Variants in SAMD8 observed in about 807,000 individuals in gnomAD.
SAMD8 encodes the protein sterile alpha motif domain containing 8.
In SAMD8, 20 loss-of-function variants were observed where a neutral mutation model predicts 42.0. The ratio of observed to expected loss-of-function variants is 0.48; its 90% CI spans 0.34 to 0.69. The LOEUF (loss-of-function observed/expected upper bound fraction) is 0.69. Ranked by LOEUF, SAMD8 falls within the 30% of genes least tolerant of loss-of-function variation. The pLI is 0.01. For missense variants in SAMD8, 328 were observed against 511.6 expected (o/e 0.64, Z 3.46); for synonymous variants, 162 against 173.0 (o/e 0.94, Z 0.50).
At chr10:75,117,099 G>A (rs1165688599) in intron 1 of SAMD8, among the ~76,000 whole-genome samples, 1 of 151,274 alleles carries the variant, frequency 6.6e-6, no homozygotes, top group Non-Finnish European at 1.5e-5. Flanking sequence ...GTGAACCACC[G>A]CAGCCTGCCA....
chr10:75,122,983 T>G (rs932548524), intron 1 of SAMD8, among the ~76,000 whole-genome samples: 1 of 152,228 alleles, frequency 6.6e-6, no homozygotes, highest in African/African-American at 2.4e-5. Context: ...TAATTAATTT[T>G]ATATATTGCT....
chr10:75,114,931 A>C (rs907793225), intron 1 of SAMD8, among the ~76,000 whole-genome samples: 2 of 152,182 alleles, frequency 1.3e-5, no homozygotes, highest in Admixed American at 1.3e-4. Context: ...ATATTCTGCT[A>C]AATTACCTAT....
intron 1 of SAMD8, among the ~76,000 whole-genome samples, chr10:75,127,070 T>C (rs960753616): frequency 2.0e-5 from 3 of 150,986 alleles, no homozygotes; most frequent in African/African-American, 7.3e-5. Context: ...GTGCCTGTAG[T>C]CCCAACTACT....
At chr10:75,145,224 C>T (rs1372527406) in intron 1 of SAMD8, among the ~76,000 whole-genome samples, 1 of 152,146 alleles carries the variant, frequency 6.6e-6, no homozygotes, top group African/African-American at 2.4e-5. Flanking sequence ...GGATTACAGG[C>T]GTGAGCCACC....
upstream of SAMD8, chr10:75,108,064 G>A (rs201419297): frequency 1.2e-6 from 2 of 1,613,918 alleles, no homozygotes; most frequent in Non-Finnish European, 1.7e-6. Flanking sequence ...TCAAAATCAG[G>A]GAGGTCGTGG....
At chr10:75,114,018 G>C (rs1287819538) in intron 1 of SAMD8, among the ~76,000 whole-genome samples, 1 of 152,100 alleles carries the variant, frequency 6.6e-6, no homozygotes, top group Admixed American at 6.6e-5. Context: ...CCCTTTGTCA[G>C]TTCTCACACC....
intron 3 of SAMD8, among the ~76,000 whole-genome samples, chr10:75,165,698 AGGCACAGT>A (rs1458733952): frequency 1.3e-5 from 2 of 150,806 alleles, no homozygotes; most frequent in African/African-American, 4.9e-5. Context: ...ATTATTAGCC[AGGCACAGT>A]GGCACATGCC....
In SAMD8 at chr10:75,182,057, A is replaced by G. The variant is rs1215675111; in HGVS notation, c.*5365A>G. ...TTAAATCCAGATTTAACTAATATAT[A>G]TTATTTTATATCTTTGTTGTATTAA... On this transcript the variant is annotated 3_prime_UTR_variant, in exon 6 of 6. Coordinates refer to ENST00000542569, the MANE Select transcript of SAMD8 (RefSeq NM_001174156.2). 6.6e-6 allele frequency: 1 copy of G among 152,226 alleles called. No individual in the cohort carries two copies. The highest frequency in any genetic ancestry group is 1.5e-5 in the Non-Finnish European group (1 of 68,044). 9.4% of individuals were successfully genotyped at this position (152,226 alleles called of 1,614,324 possible). A position where few individuals can be genotyped will look rare whatever the true frequency, so the allele number is the denominator to read the frequency against.
rs573720711 is a variant in SAMD8 at position 75,124,307 on chromosome 10, A to AT, written c.-16+12591dup. On this transcript the variant is annotated intron_variant, in intron 1 of 5. Transcript: ENST00000542569. ...TCTTCCTGCAAGCAGAAATCCATTT[A>AT]TTTTTTAAAATGTACCTGTCAGAGG... 3.4e-3 allele frequency among the ~76,000 whole-genome samples: 517 copies of AT among 152,156 alleles called. 3 individuals are homozygous for AT. Among genetic ancestry groups the AT allele is most frequent in the African/African-American group, 0.012 (489 of 41,514 alleles).
Position 75,178,821 on chromosome 10 carries a change from G to T in SAMD8, c.*2129G>T, listed in dbSNP as rs1841034707. The T allele has an allele frequency of 6.6e-6, 1 of 152,330 alleles. No individual in the cohort carries two copies. Among genetic ancestry groups the T allele is most frequent in the Non-Finnish European group, 1.5e-5 (1 of 68,166 alleles). 9.4% of individuals were successfully genotyped at this position (152,330 alleles called of 1,614,324 possible). On this transcript the variant is annotated 3_prime_UTR_variant, in exon 6 of 6. Transcript: ENST00000542569. Reference sequence around the variant, plus strand: ...AGGCAGGCGGATGGCTTGAGGTCAGGAGTTCGAGATTAGCCTGGCCAATAT... The same window carrying T: ...AGGCAGGCGGATGGCTTGAGGTCAGTAGTTCGAGATTAGCCTGGCCAATAT...
At position 75,150,837 on chromosome 10, in the gene SAMD8, T is replaced by C. The variant is rs771822174; in HGVS notation, c.309T>C (p.Ala103=). 44 of 1,614,068 alleles carry C rather than the reference T, an allele frequency of 2.7e-5. No homozygotes were observed. Among genetic ancestry groups the C allele is most frequent in the East Asian group, 8.9e-5 (4 of 44,896 alleles). Residue 103 remains alanine (A), a synonymous_variant, in exon 2 of 6, where the codon GCT becomes GCC. Coordinates refer to ENST00000542569, the MANE Select transcript of SAMD8 (RefSeq NM_001174156.2). ...PMGSMTPFIS[A]LQSTDWLCNG... Reference sequence around the variant, plus strand: ...GTTCCATGACCCCTTTCATCAGTGCTCTTCAGAGTACAGACTGGCTCTGTA... The same window carrying C: ...GTTCCATGACCCCTTTCATCAGTGCCCTTCAGAGTACAGACTGGCTCTGTA...
chr10:75,134,353 G>A (rs1849338924), intron 1 of SAMD8, among the ~76,000 whole-genome samples: 1 of 152,138 alleles, frequency 6.6e-6, no homozygotes, highest in African/African-American at 2.4e-5. Flanking sequence ...TAAAATAACA[G>A]GCCAGGCGCA....
intron 4 of SAMD8, among the ~76,000 whole-genome samples, chr10:75,172,573 C>G (rs1328902504): frequency 6.6e-6 from 1 of 151,736 alleles, no homozygotes; most frequent in African/African-American, 2.4e-5. Flanking sequence ...TCTTGGCTTA[C>G]TGCATCCTCC....
chr10:75,152,769 G>C (rs904561214), intron 2 of SAMD8, among the ~76,000 whole-genome samples: 5 of 152,032 alleles, frequency 3.3e-5, no homozygotes, highest in Non-Finnish European at 7.4e-5. Context: ...AGGAGGCCAA[G>C]GTGGGAGGAT....
At chr10:75,132,660 T>C (rs1849299157) in intron 1 of SAMD8, among the ~76,000 whole-genome samples, 1 of 151,486 alleles carries the variant, frequency 6.6e-6, no homozygotes, top group African/African-American at 2.4e-5. Context: ...ATCTTTCCTG[T>C]ATACTCTTAA....
At chr10:75,137,701 T>C (rs1839922862) in intron 1 of SAMD8, among the ~76,000 whole-genome samples, 1 of 152,140 alleles carries the variant, frequency 6.6e-6, no homozygotes, top group Non-Finnish European at 1.5e-5. Flanking sequence ...GATTAGAGAA[T>C]ACCAGGGACT....
chr10:75,151,566 C>G (rs898036039), intron 2 of SAMD8, among the ~76,000 whole-genome samples: 29 of 152,194 alleles, frequency 1.9e-4, no homozygotes, highest in Non-Finnish European at 3.4e-4. Flanking sequence ...GTTGCCCAGG[C>G]TGGGTGAACT....
intron 1 of SAMD8, 63 bp downstream of exon 1, chr10:75,111,785 G>A: frequency 4.1e-6 from 5 of 1,232,054 alleles, no homozygotes; most frequent in Middle Eastern, 2.5e-4. Flanking sequence ...AAGGGTGAGT[G>A]GGGAGTCTGG....
In SAMD8 at chr10:75,173,176, C is replaced by G. The variant is rs1370413578; in HGVS notation, c.793-2890C>G. On this transcript the variant is annotated intron_variant, in intron 4 of 5. Coordinates refer to ENST00000542569, the MANE Select transcript of SAMD8 (RefSeq NM_001174156.2). ...ATAGATATTTCTACTCCAATCTGAC[C>G]TAAATACTGTTAATTGCTTTGAATT... Among the ~76,000 whole-genome samples the G allele has an allele frequency of 2.6e-5, 4 of 152,164 alleles. No individual in the cohort carries two copies. In the East Asian group the frequency reaches 7.7e-4, roughly 29 times the overall value.
Sources: gnomAD v4.1 joint callset for allele counts (sites outside exome capture counted in the v4.1 genomes callset) on GRCh38, gnomAD v4.1.1 for gene constraint, MANE v1.5 for transcripts, NCBI Gene and HGNC (gene_info 2026-07-23, HGNC 2026-07-21) for gene names.